Variants in SFMBT1 observed in about 807,000 individuals in gnomAD.
SFMBT1 encodes the protein scm-like with four MBT domains protein 1.
A neutral mutation model predicts 108.7 loss-of-function variants in SFMBT1; 32 were observed. That is an observed-to-expected ratio of 0.29 (90% CI 0.22 to 0.40). The LOEUF (loss-of-function observed/expected upper bound fraction) is 0.40. Ranked by LOEUF, SFMBT1 falls within the 10% of genes least tolerant of loss-of-function variation. The pLI, the probability that SFMBT1 is intolerant of heterozygous loss-of-function variation, is 1.00. For missense variants in SFMBT1, 816 were observed against 1,059.6 expected (o/e 0.77, Z 3.19); for synonymous variants, 348 against 369.5 (o/e 0.94, Z 0.67).
At chr3:52,905,488 G>A (rs550942081) in intron 20 of SFMBT1, among the ~76,000 whole-genome samples, 3 of 152,242 alleles carry the variant, frequency 2.0e-5, no homozygotes, top group Admixed American at 6.5e-5. Context: ...TTTTACTGAG[G>A]ACAATAAAGT....
At chr3:52,966,950 TTATA>T (rs374164813) in intron 2 of SFMBT1, among the ~76,000 whole-genome samples, 9 of 146,700 alleles carry the variant, frequency 6.1e-5, no homozygotes, top group Non-Finnish European at 1.2e-4. Context: ...TTGTGATAAG[TTATA>T]TATATATATA....
chr3:52,989,829 T>C (rs767669033), intron 1 of SFMBT1, among the ~76,000 whole-genome samples: 1 of 151,974 alleles, frequency 6.6e-6, no homozygotes, highest in African/African-American at 2.4e-5. Context: ...AGTGTTTACA[T>C]AATGTATAAC....
At chr3:52,981,752 A>T (rs1394013522) in intron 1 of SFMBT1, among the ~76,000 whole-genome samples, 1 of 152,042 alleles carries the variant, frequency 6.6e-6, no homozygotes, top group African/African-American at 2.4e-5. Flanking sequence ...TTAATTAGTA[A>T]GGAGAAGAAA....
intron 1 of SFMBT1, among the ~76,000 whole-genome samples, chr3:52,983,217 A>G (rs1488851165): frequency 6.6e-6 from 1 of 152,226 alleles, no homozygotes; most frequent in Non-Finnish European, 1.5e-5. Context: ...GACAAGGATG[A>G]AGACCTTTAT....
intron 1 of SFMBT1, among the ~76,000 whole-genome samples, chr3:53,014,740 G>A (rs1699069863): frequency 6.6e-6 from 1 of 152,136 alleles, no homozygotes; most frequent in Non-Finnish European, 1.5e-5. Flanking sequence ...GCTCTCTTGG[G>A]ACTAGACTCT....
At chr3:52,917,110 T>A (rs981911223) in intron 13 of SFMBT1, among the ~76,000 whole-genome samples, 1 of 152,214 alleles carries the variant, frequency 6.6e-6, no homozygotes, top group African/African-American at 2.4e-5. Flanking sequence ...CAGTCTTTTT[T>A]TTCATTGTTA....
At chr3:52,913,009 G>A (rs1487404953) in intron 15 of SFMBT1, among the ~76,000 whole-genome samples, 1 of 152,178 alleles carries the variant, frequency 6.6e-6, no homozygotes, top group Non-Finnish European at 1.5e-5. Context: ...TGTGGCTGGA[G>A]GAGTCTGGTC....
intron 16 of SFMBT1, 75 bp from the exon 17 acceptor site, chr3:52,911,253 C>A: frequency 1.4e-6 from 2 of 1,424,598 alleles, no homozygotes; most frequent in Non-Finnish European, 1.9e-6. Context: ...CATATTAATA[C>A]ACCTAAAAAA....
chr3:52,941,603 A>AAAAAG (rs1269713528), intron 4 of SFMBT1, among the ~76,000 whole-genome samples: 1 of 149,904 alleles, frequency 6.7e-6, no homozygotes. Context: ...CAAAAAAAAA[A>AAAAAG]AAAAAAAAAA....
chr3:52,941,213 AC>A (rs1163003127), intron 4 of SFMBT1, among the ~76,000 whole-genome samples: 1 of 152,080 alleles, frequency 6.6e-6, no homozygotes, highest in East Asian at 1.9e-4. Flanking sequence ...AAGACGAAAA[AC>A]CCTGAGGAAC....
At chr3:52,970,055 C>T (rs1704284798) in intron 1 of SFMBT1, among the ~76,000 whole-genome samples, 1 of 151,122 alleles carries the variant, frequency 6.6e-6, no homozygotes, top group African/African-American at 2.4e-5. Context: ...GAGCCAAGAT[C>T]GCACCACTGC....
chr3:52,929,028 T>C (rs372897504), intron 8 of SFMBT1, among the ~76,000 whole-genome samples: 48 of 151,762 alleles, frequency 3.2e-4, no homozygotes, highest in African/African-American at 1.1e-3. Flanking sequence ...CAACTCCATT[T>C]CACAGATAAG....
At chr3:53,038,100 G>A (rs1699922840) in intron 1 of SFMBT1, among the ~76,000 whole-genome samples, 1 of 150,922 alleles carries the variant, frequency 6.6e-6, no homozygotes, top group East Asian at 1.9e-4. Context: ...GCAAAACTTT[G>A]TCTCAAAAAA....
chr3:52,951,636 ACTTCTGAC>A (rs1358634250), intron 3 of SFMBT1, among the ~76,000 whole-genome samples: 1 of 152,128 alleles, frequency 6.6e-6, no homozygotes, highest in African/African-American at 2.4e-5. Flanking sequence ...CTGGTCTCGA[ACTTCTGAC>A]CTCAGGTGAT....
intron 1 of SFMBT1, among the ~76,000 whole-genome samples, chr3:53,014,768 T>A (rs1699070573): frequency 6.6e-6 from 1 of 152,074 alleles, no homozygotes; most frequent in African/African-American, 2.4e-5. Context: ...AGGCCCTCAG[T>A]GTGTGATGGA....
intron 4 of SFMBT1, among the ~76,000 whole-genome samples, chr3:52,941,489 G>T (rs1703179611): frequency 1.3e-5 from 2 of 150,472 alleles, no homozygotes; most frequent in African/African-American, 4.9e-5. Context: ...AGCTACTTGG[G>T]AGGCTGAGGG....
At chr3:53,013,602 A>C (rs974057331) in intron 1 of SFMBT1, among the ~76,000 whole-genome samples, 1 of 91,810 alleles carries the variant, frequency 1.1e-5, no homozygotes, top group Non-Finnish European at 2.3e-5. Flanking sequence ...AACACAGTTT[A>C]TTTATAAAGA....
chr3:52,961,812 A>G (rs1575404464), intron 2 of SFMBT1, among the ~76,000 whole-genome samples: 1 of 152,212 alleles, frequency 6.6e-6, no homozygotes, highest in East Asian at 1.9e-4. Flanking sequence ...CTAAAACTTA[A>G]CAAGGCTGGG....
chr3:52,981,918 C>A (rs1486647125), intron 1 of SFMBT1, among the ~76,000 whole-genome samples: 2 of 152,088 alleles, frequency 1.3e-5, no homozygotes, highest in Non-Finnish European at 2.9e-5. Context: ...AAGGCCTGGA[C>A]AAAAAGAACC....
Sources: gnomAD v4.1 joint callset for allele counts (sites outside exome capture counted in the v4.1 genomes callset) on GRCh38, gnomAD v4.1.1 for gene constraint, MANE v1.5 for transcripts, NCBI Gene and HGNC (gene_info 2026-07-23, HGNC 2026-07-21) for gene names.